The following ZNF708 variants were observed in gnomAD, a reference collection of about 807,000 sequenced individuals.
ZNF708 encodes the protein zinc finger protein 708.
Under a neutral mutation model 47.0 loss-of-function variants are expected in ZNF708, and 44 were observed. The ratio of observed to expected loss-of-function variants is 0.94; its 90% CI spans 0.74 to 1.20. The LOEUF is 1.20. ZNF708 is among the 50% of genes most tolerant of loss of function. ZNF708 has a pLI of 0.00. For missense variants in ZNF708, 557 were observed against 656.0 expected, an observed-to-expected ratio of 0.85 and a Z score of 1.65; for synonymous variants, 184 against 218.5, an observed-to-expected ratio of 0.84 and a Z score of 1.39.
rs1378990541 is a variant in ZNF708, at chr19:21,294,613, T to C, written c.353A>G (p.His118Arg). 6.2e-7 allele frequency: 1 copy of C among 1,614,160 alleles called. No individual in the cohort carries two copies. The highest frequency in any genetic ancestry group is 1.7e-5 in the Admixed American group (1 of 60,020). ...CTTGTGACCTCCTTTGTGCAACTTA[T>C]GCTCATCCACACTTTTACAGCCTTT... Reference protein sequence around the residue: ...YQKGCKSVDEHKLHKGGHKGL... With the variant: ...YQKGCKSVDERKLHKGGHKGL... Residue 118 changes from histidine (H) to arginine (R), a missense_variant, in exon 4 of 4, where the codon CAT becomes CGT. His to Arg is a conservative substitution (Grantham distance 29). Transcript: ENST00000356929.
In ZNF708 at chr19:21,293,815, A is replaced by C; in HGVS notation, c.1151T>G (p.Val384Gly). 1.2e-6 allele frequency: 2 copies of C among 1,611,608 alleles called. No homozygotes were observed. Among genetic ancestry groups the C allele is most frequent in the Non-Finnish European group, 1.7e-6 (2 of 1,179,372 alleles). The change falls in exon 4 of 4, where the codon GTA (valine) becomes GGA (glycine). Residue 384 changes from valine to glycine, a missense_variant. By Grantham distance (109) the Val-to-Gly change is moderately radical (BLOSUM62 -3). Coordinates refer to ENST00000356929, the MANE Select transcript of ZNF708 (RefSeq NM_021269.3). ...NRSSHLTNHK[V>G]IHTGEKPYKC... ...GTAGGGTTTCTCTCCAGTATGAATT[A>C]CCTTATGATTAGTAAGGTGTGAGGA...
At chr19:21,302,753 C>T (rs894073532) in intron 3 of ZNF708, among the ~76,000 whole-genome samples, 2 of 151,712 alleles carry the variant, frequency 1.3e-5, no homozygotes, top group African/African-American at 4.8e-5. Flanking sequence ...ATGTAATCTC[C>T]ATTTCTCAAG....
At chr19:21,307,325 G>A (rs1972804130) in intron 3 of ZNF708, among the ~76,000 whole-genome samples, 1 of 151,884 alleles carries the variant, frequency 6.6e-6, no homozygotes, top group Admixed American at 6.6e-5. Flanking sequence ...AACCCTGGCA[G>A]CCCAAAAAAG....
rs1231504382 is a variant in ZNF708, at chr19:21,318,334, A to C, written c.4-7707T>G. On this transcript the variant is annotated intron_variant, in intron 1 of 3. Coordinates refer to ENST00000356929, the MANE Select transcript of ZNF708 (RefSeq NM_021269.3). ...AGGATGGTTCTCCCTGTGAAAACCC[A>C]CCTCTTTGTCAACACCAAGGGATAG... The C allele has an allele frequency of 3.3e-5, 5 of 152,188 alleles. No homozygotes were observed. The East Asian group carries it at 7.7e-4, about 23-fold the overall frequency. The allele number at this position is 152,188 out of a possible 1,614,324, so 9.4% of individuals were successfully genotyped here.
In ZNF708 at chr19:21,316,297, T is replaced by A. The variant is rs142351562; in HGVS notation, c.4-5670A>T. Among the ~76,000 whole-genome samples the A allele has an allele frequency of 1.9e-3, 291 of 151,744 alleles. 1 individual carries two copies. Among genetic ancestry groups the A allele is most frequent in the African/African-American group, 6.7e-3 (277 of 41,434 alleles). The stretch of plus-strand genomic sequence containing the variant: ...GCGCCACCACGCCTGGCTAATTTTT[T>A]GTATTTTTAGTAGAGACAGGGTTTC... On this transcript the variant is annotated intron_variant, in intron 1 of 3. Transcript: ENST00000356929.
Position 21,293,700 on chromosome 19 carries a change from AC to A in ZNF708, c.1265del (p.Cys422LeufsTer19), listed in dbSNP as rs1371169602. ...VIHTGKKPYKCEECGKAFSIF... is the reference protein window; with the variant it reads ...VIHTGKKPYKXEECGKAFSIF... ...TACTAAAGGCTTTACCACATTCTTCACATTTGTAGGGTTTCTTTCCAGTATG... is the reference window on the plus strand; with the variant it reads ...TACTAAAGGCTTTACCACATTCTTCAATTTGTAGGGTTTCTTTCCAGTATG... On this transcript the variant is annotated frameshift_variant, in exon 4 of 4. Transcript: ENST00000356929. LOFTEE classifies it high-confidence loss of function. 1.2e-6 allele frequency: 2 copies of A among 1,613,130 alleles called. No individual in the cohort carries two copies. The highest frequency in any genetic ancestry group is 1.7e-6 in the Non-Finnish European group (2 of 1,179,724).
intron 3 of ZNF708, among the ~76,000 whole-genome samples, chr19:21,300,712 G>A (rs1157460965): frequency 1.3e-5 from 2 of 151,690 alleles, no homozygotes; most frequent in Non-Finnish European, 2.9e-5. Flanking sequence ...CCAGGCTGGA[G>A]TGCAGTGGCA....
At chr19:21,325,704 A>G (rs1461571010) in intron 1 of ZNF708, among the ~76,000 whole-genome samples, 3 of 152,252 alleles carry the variant, frequency 2.0e-5, no homozygotes, top group Admixed American at 6.5e-5. Context: ...ATAAAAACAA[A>G]GATAAATATC....
intron 1 of ZNF708, among the ~76,000 whole-genome samples, chr19:21,325,547 T>C (rs1973238661): frequency 6.6e-6 from 1 of 152,110 alleles, no homozygotes; most frequent in South Asian, 2.1e-4. Context: ...TCATCTCTCA[T>C]CTTATACAAA....
intron 1 of ZNF708, among the ~76,000 whole-genome samples, chr19:21,326,199 A>G (rs1014093266): frequency 2.1e-4 from 32 of 152,234 alleles, no homozygotes; most frequent in African/African-American, 7.7e-4. Context: ...TTGATCCAGC[A>G]ATCCCACAAT....
chr19:21,305,965 C>T (rs1041070107), intron 3 of ZNF708, among the ~76,000 whole-genome samples: 16 of 152,016 alleles, frequency 1.1e-4, no homozygotes, highest in Non-Finnish European at 5.9e-5. Context: ...ACAAAGTTGC[C>T]ATGAGCATAC....
In ZNF708 at chr19:21,307,158, TATAAAATAAA is replaced by T. The variant is rs1371433440; in HGVS notation, c.226+2078_226+2087del. Among the ~76,000 whole-genome samples, 36 of 113,708 alleles carry T rather than the reference TATAAAATAAA, an allele frequency of 3.2e-4. 1 individual carries two copies. The highest frequency in any genetic ancestry group is 2.1e-3 in the East Asian group (8 of 3,802). The allele number at this position is 113,708 out of a possible 152,430, so 74.6% of individuals were successfully genotyped here. On this transcript the variant is annotated intron_variant, in intron 3 of 3. Coordinates refer to ENST00000356929, the MANE Select transcript of ZNF708 (RefSeq NM_021269.3). The stretch of plus-strand genomic sequence containing the variant: ...TAAAATAAAATAAAATAAAATATAA[TATAAAATAAA>T]ATAAAATAAAATACAATAAAATACA...
rs1024056466 is a variant in ZNF708, at chr19:21,325,955, T to A, written c.3+3255A>T. Among the ~76,000 whole-genome samples, 10 of 151,994 alleles carry A rather than the reference T, an allele frequency of 6.6e-5. 1 individual carries two copies. The highest frequency in any genetic ancestry group is 1.9e-4 in the African/African-American group (8 of 41,368). On this transcript the variant is annotated intron_variant, in intron 1 of 3. Coordinates refer to ENST00000356929, the MANE Select transcript of ZNF708 (RefSeq NM_021269.3). ...GGTATACAAATGGCCAACAAACATA[T>A]GAAAAAATCCTCAACATCACTAATG...
At chr19:21,297,270 ATT>A (rs1157234305) in intron 3 of ZNF708, among the ~76,000 whole-genome samples, 54 of 46,598 alleles carry the variant, frequency 1.2e-3, no homozygotes, top group African/African-American at 2.8e-3. Flanking sequence ...ATATATATAT[ATT>A]TTTTTTTTTT....
intron 1 of ZNF708, among the ~76,000 whole-genome samples, chr19:21,328,437 A>G (rs1471211198): frequency 6.6e-6 from 1 of 152,214 alleles, no homozygotes; most frequent in Non-Finnish European, 1.5e-5. Context: ...ATTTTAGTTT[A>G]TTTGCAGTTT....
rs114540558 is a variant in ZNF708, at chr19:21,301,105, A to G, written c.227-6366T>C. Among the ~76,000 whole-genome samples the G allele has an allele frequency of 2.0e-3, 304 of 152,374 alleles. 4 individuals are homozygous for G. Among genetic ancestry groups the G allele is most frequent in the African/African-American group, 7.0e-3 (293 of 41,596 alleles). On this transcript the variant is annotated intron_variant, in intron 3 of 3. Coordinates refer to ENST00000356929, the MANE Select transcript of ZNF708 (RefSeq NM_021269.3). Reference sequence around the variant, plus strand: ...ATGTAAAACTTATTGGACACTATCAAGTAGATTAATATATTCATGAAAGAA... The same window carrying G: ...ATGTAAAACTTATTGGACACTATCAGGTAGATTAATATATTCATGAAAGAA...
At chr19:21,305,278 G>A (rs946376908) in intron 3 of ZNF708, among the ~76,000 whole-genome samples, 5 of 151,586 alleles carry the variant, frequency 3.3e-5, no homozygotes, top group African/African-American at 1.2e-4. Flanking sequence ...CAAAGTGCTG[G>A]GATTACAGGC....
intron 1 of ZNF708, among the ~76,000 whole-genome samples, chr19:21,321,640 G>A (rs1449366494): frequency 7.0e-6 from 1 of 143,442 alleles, no homozygotes; most frequent in Non-Finnish European, 1.5e-5. Context: ...GGAGGGGAGG[G>A]GGAAGGAGGG....
Position 21,293,861 on chromosome 19 carries a change from A to G in ZNF708, c.1105T>C (p.Cys369Arg), listed in dbSNP as rs1972458593. 1 of 1,613,280 alleles carries G rather than the reference A, an allele frequency of 6.2e-7. No individual in the cohort carries two copies. The highest frequency in any genetic ancestry group is 1.3e-5 in the African/African-American group (1 of 74,874). ...TEEKPYKCEE[C>R]GKAFNRSSHL... ...GAGGACCGGTTAAAAGCTTTGCCAC[A>G]TTCTTCACATTTGTAGGGTTTCTCT... Residue 369 changes from cysteine to arginine, a missense_variant, in exon 4 of 4, where the codon TGT becomes CGT. Transcript: ENST00000356929.
Sources: gnomAD v4.1 joint callset for allele counts (sites outside exome capture counted in the v4.1 genomes callset) on GRCh38, gnomAD v4.1.1 for gene constraint, MANE v1.5 for transcripts, NCBI Gene and HGNC (gene_info 2026-07-23, HGNC 2026-07-21) for gene names.